KTN1: variants seen among roughly 807,000 people sequenced by gnomAD.
KTN1 encodes kinectin.
Under a neutral mutation model 222.5 loss-of-function variants are expected in KTN1, and 130 were observed. The observed-to-expected ratio is 0.58, with a 90% CI of 0.51 to 0.68. The LOEUF is 0.68. Among genes scored for constraint, KTN1 ranks in the 30% least tolerant of loss-of-function variants. KTN1 has a pLI of 0.00. For synonymous variants in KTN1, 512 were observed against 496.3 expected, an observed-to-expected ratio of 1.03 and a Z score of -0.42; for missense variants, 1,508 against 1,500.4, an observed-to-expected ratio of 1.01 and a Z score of -0.08.
At chr14:55,621,684 G>A (rs28380739) in intron 5 of KTN1, among the ~76,000 whole-genome samples, 11,609 of 151,958 alleles carry the variant, frequency 0.076, 489 homozygotes, top group South Asian at 0.12. Flanking sequence ...ACGGCACGTG[G>A]GAATTATAGG....
Position 55,653,008 on chromosome 14 carries a change from C to G in KTN1, c.2695-9C>G, listed in dbSNP as rs1429809560. On this transcript the variant is annotated splice_polypyrimidine_tract_variant and intron_variant, in intron 26 of 43. Transcript: ENST00000395314. ...ACTATCAATTTAATTTACACCTATT[C>G]TTTTTAAGGATCTTCAAGAAGAAAA... 7 of 1,597,758 alleles carry G rather than the reference C, an allele frequency of 4.4e-6. No individual in the cohort carries two copies. The highest frequency in any genetic ancestry group is 2.7e-5 in the African/African-American group (2 of 74,476).
chr14:55,675,875 C>A lies in KTN1; in HGVS notation c.3812C>A (p.Thr1271Asn). ...AATGAAACACTCACAAAACTTAGAA[C>A]TGAACAAAATGAAAGACAGAAGGTA... Reference protein sequence around the residue: ...QLNETLTKLRTEQNERQKVAG... With the variant: ...QLNETLTKLRNEQNERQKVAG... Residue 1271 changes from threonine to asparagine, a missense_variant, in exon 41 of 44, where the codon ACT (threonine) becomes AAT (asparagine). By Grantham distance (65) the Thr-to-Asn change is moderately conservative. Transcript: ENST00000395314. The A allele has an allele frequency of 6.2e-7, 1 of 1,613,296 alleles. No homozygotes were observed. The highest frequency in any genetic ancestry group is 8.5e-7 in the Non-Finnish European group (1 of 1,179,422).
At position 55,612,435 on chromosome 14, in the gene KTN1, C is replaced by T. The variant is rs903184808; in HGVS notation, c.387C>T (p.Val129=). 6.2e-6 allele frequency: 10 copies of T among 1,613,900 alleles called. No homozygotes were observed. The highest frequency in any genetic ancestry group is 8.5e-6 in the Non-Finnish European group (10 of 1,179,990). ...AAAAGCCTGTGCTTGAAGAGCAGGT[C>T]ATCAAAGAAAGTGACGCATCAAAGA... ...KKQKPVLEEQ[V]IKESDASKIP... is the part of the protein sequence containing the mutation. Residue 129 remains valine (V), a synonymous_variant, in exon 2 of 44, where the codon GTC becomes GTT. Coordinates refer to ENST00000395314, the MANE Select transcript of KTN1 (RefSeq NM_001079521.2).
intron 21 of KTN1, 134 bp from the exon 22 acceptor site, chr14:55,649,642 T>A: frequency 1.7e-6 from 1 of 594,654 alleles, no homozygotes; most frequent in Non-Finnish European, 2.9e-6. Context: ...ATTAAAAAAG[T>A]CTCGAAAGAA....
chr14:55,660,648 A>G (rs1407885541), intron 31 of KTN1, among the ~76,000 whole-genome samples: 3 of 152,120 alleles, frequency 2.0e-5, no homozygotes, highest in African/African-American at 4.8e-5. Flanking sequence ...ATTATTGACT[A>G]TTAAATCGAG....
intron 7 of KTN1, among the ~76,000 whole-genome samples, chr14:55,631,930 T>G (rs1326417391): frequency 6.6e-6 from 1 of 152,216 alleles, no homozygotes; most frequent in African/African-American, 2.4e-5. Context: ...TACCAGATTT[T>G]TTTTTGGTAA....
At chr14:55,623,932 G>A (rs940378018) in intron 5 of KTN1, among the ~76,000 whole-genome samples, 4 of 152,088 alleles carry the variant, frequency 2.6e-5, no homozygotes, top group Admixed American at 1.3e-4. Flanking sequence ...TATTGTCTGA[G>A]ACAGCTTTCA....
At chr14:55,647,633 C>CAAAA (rs35742930) in intron 19 of KTN1, among the ~76,000 whole-genome samples, 5 of 32,976 alleles carry the variant, frequency 1.5e-4, no homozygotes, top group Admixed American at 5.1e-4. Flanking sequence ...AACTCTGCCT[C>CAAAA]AAAAAAAAAA....
At chr14:55,605,925 C>A (rs77315200) in intron 1 of KTN1, among the ~76,000 whole-genome samples, 11,680 of 151,906 alleles carry the variant, frequency 0.077, 499 homozygotes, top group South Asian at 0.11. Context: ...TACCATAAAT[C>A]ATTTTTCTTA....
intron 35 of KTN1, 151 bp from the exon 36 acceptor site, chr14:55,671,415 C>G: frequency 1.7e-6 from 1 of 594,258 alleles, no homozygotes; most frequent in Non-Finnish European, 3.0e-6. Context: ...GAATGAACTT[C>G]ATCGCTACTT....
intron 17 of KTN1, 78 bp downstream of exon 17, chr14:55,641,286 T>C: frequency 3.7e-6 from 3 of 808,850 alleles, no homozygotes; most frequent in Non-Finnish European, 5.9e-6. Flanking sequence ...CCAGAAATAC[T>C]ACGTTTTGTA....
intron 21 of KTN1, 27 bp downstream of exon 21, chr14:55,648,897 TTGTCTC>T: frequency 5.7e-6 from 8 of 1,394,830 alleles, no homozygotes; most frequent in Non-Finnish European, 6.1e-6. Flanking sequence ...CAACTGTTCT[TTGTCTC>T]TGTGTTTTTT....
At chr14:55,663,243 A>C (rs1270389850) in intron 32 of KTN1, 1 of 208,068 alleles carries the variant, frequency 4.8e-6, no homozygotes, top group African/African-American at 2.3e-5. Context: ...ATTCTGAAAA[A>C]AAAGACTGAA....
chr14:55,629,767 G>A (rs1039386307), intron 6 of KTN1, among the ~76,000 whole-genome samples, 190 bp from the exon 7 acceptor site: 32 of 152,198 alleles, frequency 2.1e-4, no homozygotes, highest in Non-Finnish European at 1.5e-5. Context: ...GGGAATTGGC[G>A]TGAAGAGCAG....
chr14:55,653,974 A>G (rs2141146171), intron 28 of KTN1, among the ~76,000 whole-genome samples: 1 of 152,310 alleles, frequency 6.6e-6, no homozygotes, highest in East Asian at 1.9e-4. Flanking sequence ...CCAAAAGATA[A>G]TCTTAGCCAT....
intron 1 of KTN1, among the ~76,000 whole-genome samples, chr14:55,599,535 G>C (rs758704048): frequency 6.6e-6 from 1 of 151,932 alleles, no homozygotes; most frequent in Non-Finnish European, 1.5e-5. Flanking sequence ...CGCAATCTTG[G>C]CTCACTGCCA....
chr14:55,665,441 T>C (rs1367441837), intron 33 of KTN1, among the ~76,000 whole-genome samples: 1 of 151,986 alleles, frequency 6.6e-6, no homozygotes, highest in East Asian at 1.9e-4. Flanking sequence ...TAGCTAAAGA[T>C]CTACAGAGAA....
At position 55,591,514 on chromosome 14, in the gene KTN1, A is replaced by C. The variant is rs574919006; in HGVS notation, c.-31+11160A>C. Among the ~76,000 whole-genome samples, 4 of 152,146 alleles carry C rather than the reference A, an allele frequency of 2.6e-5. No homozygotes were observed. The South Asian group carries it at 6.2e-4, about 24-fold the overall frequency. On this transcript the variant is annotated intron_variant, in intron 1 of 43. Coordinates refer to ENST00000395314, the MANE Select transcript of KTN1 (RefSeq NM_001079521.2). ...TCTTCCCTATACATGATAATGGCAA[A>C]AACCAGTTAGCCTATTGTGTGTGAA...
At chr14:55,580,873 C>T (rs2031340844) in intron 1 of KTN1, among the ~76,000 whole-genome samples, 1 of 152,208 alleles carries the variant, frequency 6.6e-6, no homozygotes, top group Middle Eastern at 3.2e-3. Flanking sequence ...GTCCTCGCCG[C>T]TGCCTCCGGC....
Sources: allele counts gnomAD v4.1 joint callset (sites outside exome capture counted in the v4.1 genomes callset), GRCh38; gene constraint gnomAD v4.1.1; transcripts MANE v1.5; gene names NCBI Gene and HGNC (gene_info 2026-07-23, HGNC 2026-07-21).